Variants in CYBB observed in about 807,000 individuals in gnomAD.
The protein encoded by CYBB is cytochrome b-245 beta chain.
A neutral mutation model predicts 46.5 loss-of-function variants in CYBB; 5 were observed. The ratio of observed to expected loss-of-function variants is 0.11; its 90% CI spans 0.06 to 0.23. The LOEUF is 0.23. Ranked by LOEUF, CYBB falls within the 10% of genes least tolerant of loss-of-function variation. The pLI, the probability that CYBB is intolerant of heterozygous loss-of-function variation, is 1.00. For synonymous variants in CYBB, 183 were observed against 156.7 expected (o/e 1.17, Z -1.26); for missense variants, 307 against 428.3 (o/e 0.72, Z 2.50).
intron 7 of CYBB, among the ~76,000 whole-genome samples, chrX:37,799,959 C>A (rs182107190): frequency 9.0e-6 from 1 of 110,880 alleles, no homozygotes; most frequent in East Asian, 2.8e-4. Context: ...TTTTCCTACT[C>A]TCTTAGCATA....
intron 3 of CYBB, among the ~76,000 whole-genome samples, chrX:37,785,155 C>T (rs1929035563): frequency 8.9e-6 from 1 of 112,284 alleles, no homozygotes; most frequent in Admixed American, 9.4e-5. Flanking sequence ...AAATTGGGCT[C>T]TCACAAATCT....
rs1929332392 is a variant in CYBB, at chrX:37,797,194, A to T, written c.674+1053A>T. The stretch of plus-strand genomic sequence containing the variant: ...CACTGCATTCTTAAACTACTTGCTG[A>T]CTGTGACCCCTGATAAACTCTTTGT... On this transcript the variant is annotated intron_variant, in intron 6 of 12. Transcript: ENST00000378588. Among the ~76,000 whole-genome samples the T allele has an allele frequency of 4.5e-5, 5 of 111,474 alleles. No homozygotes were observed. The South Asian group carries it at 1.9e-3, about 42-fold the overall frequency.
intron 6 of CYBB, among the ~76,000 whole-genome samples, chrX:37,798,622 T>C (rs1437021050): frequency 8.9e-6 from 1 of 112,233 alleles, no homozygotes; most frequent in African/African-American, 3.2e-5. Context: ...GTCACTCTGT[T>C]AGATTTGCAA....
chrX:37,791,756 T>C lies in CYBB; in HGVS notation c.253-219T>C, dbSNP rs35840291. ...GTCACCAGTATGAGAACAGAAAACA[T>C]ACCAGTTAAGCCAGCCATGTCACTT... On this transcript the variant is annotated intron_variant, in intron 3 of 12. Coordinates refer to ENST00000378588, the MANE Select transcript of CYBB (RefSeq NM_000397.4). Among the ~76,000 whole-genome samples the C allele has an allele frequency of 7.5e-3, 842 of 111,913 alleles. 6 individuals carry two copies. The highest frequency in any genetic ancestry group is 0.012 in the Non-Finnish European group (636 of 53,002).
At chrX:37,781,965 G>T in intron 1 of CYBB, 123 bp from the exon 2 acceptor site, 1 of 565,414 alleles carries the variant, frequency 1.8e-6, no homozygotes, top group Non-Finnish European at 3.1e-6. Flanking sequence ...GTTATATCCA[G>T]CTTTGTCACT....
At chrX:37,803,744 G>A in intron 8 of CYBB, 133 bp from the exon 9 acceptor site, 1 of 612,834 alleles carries the variant, frequency 1.6e-6, no homozygotes. Context: ...ACATCTGCTG[G>A]AGGAACTCCT....
intron 8 of CYBB, among the ~76,000 whole-genome samples, chrX:37,803,087 T>G (rs893182575): frequency 3.6e-5 from 4 of 111,443 alleles, no homozygotes; most frequent in Non-Finnish European, 1.9e-5. Context: ...GATGGTGTAC[T>G]CCCCAGGTAG....
At chrX:37,782,767 C>T (rs1473721818) in intron 2 of CYBB, among the ~76,000 whole-genome samples, 1 of 111,258 alleles carries the variant, frequency 9.0e-6, no homozygotes, top group Admixed American at 9.5e-5. Flanking sequence ...CAGAAGACAT[C>T]TGTTACATCA....
Position 37,801,355 on chromosome X carries a change from A to C in CYBB, c.897+7A>C. The C allele has an allele frequency of 8.7e-7, 1 of 1,154,427 alleles. No individual in the cohort carries two copies. Among genetic ancestry groups the C allele is most frequent in the Non-Finnish European group, 1.2e-6 (1 of 843,616 alleles). On this transcript the variant is annotated splice_region_variant and intron_variant, in intron 8 of 12. Coordinates refer to ENST00000378588, the MANE Select transcript of CYBB (RefSeq NM_000397.4). ...GAAGGTGGTCATCACCAAGGTACTGATTGGTTTAGTAATTACTAGTGGTCA... is the reference window on the plus strand; with the variant it reads ...GAAGGTGGTCATCACCAAGGTACTGCTTGGTTTAGTAATTACTAGTGGTCA...
rs1379451183 is a variant in CYBB, at chrX:37,812,909, A to T, written c.*1992A>T. ...GAGTCAGGCTCTGTTTATTGTTTCA[A>T]TTCTTTACACCAAAGTATGAACTGG... is the stretch of plus-strand genomic sequence containing the variant. On this transcript the variant is annotated 3_prime_UTR_variant, in exon 13 of 13. Coordinates refer to ENST00000378588, the MANE Select transcript of CYBB (RefSeq NM_000397.4). 1 of 112,152 alleles carries T rather than the reference A, an allele frequency of 8.9e-6. No homozygotes were observed. The highest frequency in any genetic ancestry group is 1.9e-5 in the Non-Finnish European group (1 of 53,208). The allele number at this position is 112,152 out of a possible 1,213,427, so 9.2% of individuals were successfully genotyped here.
In CYBB at chrX:37,812,529, T is replaced by C. The variant is rs889178988; in HGVS notation, c.*1612T>C. 1.8e-5 allele frequency: 2 copies of C among 111,857 alleles called. No homozygotes were observed. Among genetic ancestry groups the C allele is most frequent in the African/African-American group, 6.5e-5 (2 of 30,730 alleles). 9.2% of individuals were successfully genotyped at this position (111,857 alleles called of 1,213,427 possible). A position where few individuals can be genotyped will look rare whatever the true frequency, so the allele number is the denominator to read the frequency against. ...GCCCCAGATTTCTTAAAGTTTGATA[T>C]GTATAGAATATAATTGAAGGAGGTA... On this transcript the variant is annotated 3_prime_UTR_variant, in exon 13 of 13. Coordinates refer to ENST00000378588, the MANE Select transcript of CYBB (RefSeq NM_000397.4).
At chrX:37,800,425 A>C (rs1929411925) in intron 7 of CYBB, among the ~76,000 whole-genome samples, 1 of 111,774 alleles carries the variant, frequency 8.9e-6, no homozygotes, top group South Asian at 3.7e-4. Context: ...TTCCAACAGT[A>C]AGTTTCCTAT....
rs782057051 is a variant in CYBB, at chrX:37,782,151, C to G, written c.109C>G (p.Pro37Ala). 1.7e-6 allele frequency: 2 copies of G among 1,206,900 alleles called. No individual in the cohort carries two copies. Among genetic ancestry groups the G allele is most frequent in the South Asian group, 3.5e-5 (2 of 56,904 alleles). ...VWYYRVYDIP[P>A]KFFYTRKLLG... The stretch of plus-strand genomic sequence containing the variant: ...GTATTACCGGGTTTATGATATTCCA[C>G]CTAAGTTCTTTTACACAAGAAAACT... The change falls in exon 2 of 13, where the codon CCT becomes GCT. Residue 37 changes from proline (P) to alanine (A), a missense_variant. This residue lies in a region of CYBB where 103 missense variants were observed against 150.2 expected (regional missense o/e 0.69). Coordinates refer to ENST00000378588, the MANE Select transcript of CYBB (RefSeq NM_000397.4).
chrX:37,784,706 A>T (rs1437543416), intron 3 of CYBB, among the ~76,000 whole-genome samples: 1 of 111,893 alleles, frequency 8.9e-6, no homozygotes, highest in African/African-American at 3.3e-5. Context: ...TTTTTTAAAA[A>T]ATAAAAGGTA....
At chrX:37,809,714 G>A in intron 12 of CYBB, 23 bp downstream of exon 12, 1 of 1,206,750 alleles carries the variant, frequency 8.3e-7, no homozygotes, top group Non-Finnish European at 1.1e-6. Flanking sequence ...TCACCAAGAT[G>A]TTTTTGAGGC....
intron 10 of CYBB, 58 bp from the exon 11 acceptor site, chrX:37,806,329 G>A: frequency 2.6e-6 from 3 of 1,150,576 alleles, no homozygotes; most frequent in Non-Finnish European, 3.6e-6. Context: ...AATTCCACAT[G>A]GTAATGCTGA....
intron 7 of CYBB, among the ~76,000 whole-genome samples, chrX:37,799,710 A>G (rs1485657504): frequency 1.3e-4 from 14 of 111,476 alleles, no homozygotes; most frequent in African/African-American, 4.6e-4. Flanking sequence ...GGAGCTCTGA[A>G]GGGTTCCATT....
In CYBB at chrX:37,811,721, A is replaced by G. The variant is rs1433461652; in HGVS notation, c.*804A>G. On this transcript the variant is annotated 3_prime_UTR_variant, in exon 13 of 13. Transcript: ENST00000378588. ...CCTTAAACAAAATTTATCTAAAGAA[A>G]TAACTTCTATTACTGTCATAGACCA... 1 of 112,465 alleles carries G rather than the reference A, an allele frequency of 8.9e-6. No individual in the cohort carries two copies. The highest frequency in any genetic ancestry group is 2.7e-4 in the East Asian group (1 of 3,666). The allele number at this position is 112,465 out of a possible 1,213,427, so 9.3% of individuals were successfully genotyped here.
At position 37,813,085 on chromosome X, in the gene CYBB, G is replaced by A. The variant is rs1929706808; in HGVS notation, c.*2168G>A. On this transcript the variant is annotated 3_prime_UTR_variant, in exon 13 of 13. Transcript: ENST00000378588. ...CTAAGTTATGAAAGTAGAGAGATCTGCCCTGTGTTATCCAGTTATGAGATA... is the reference window on the plus strand; with the variant it reads ...CTAAGTTATGAAAGTAGAGAGATCTACCCTGTGTTATCCAGTTATGAGATA... The A allele has an allele frequency of 9.0e-6, 1 of 111,239 alleles. No homozygotes were observed. The highest frequency in any genetic ancestry group is 3.3e-5 in the African/African-American group (1 of 30,528). The allele number at this position is 111,239 out of a possible 1,213,427, so 9.2% of individuals were successfully genotyped here.
Sources: gnomAD v4.1 joint callset for allele counts (sites outside exome capture counted in the v4.1 genomes callset) on GRCh38, gnomAD v4.1.1 for gene constraint, gnomAD v4.1.1 regional missense constraint, MANE v1.5 for transcripts, NCBI Gene and HGNC (gene_info 2026-07-23, HGNC 2026-07-21) for gene names.